UNC5D: variants seen among roughly 807,000 people sequenced by gnomAD.
UNC5D encodes unc-5 netrin receptor D, also known as netrin receptor UNC5D.
UNC5D carries 39 observed loss-of-function variants against 105.4 expected under a neutral mutation model. The ratio of observed to expected loss-of-function variants is 0.37; its 90% confidence interval spans 0.29 to 0.48. UNC5D has a LOEUF of 0.48. Ranked by LOEUF, UNC5D falls within the 20% of genes least tolerant of loss-of-function variation. The pLI, the probability that UNC5D is intolerant of heterozygous loss-of-function variation, is 0.98. For missense variants in UNC5D, 991 were observed against 1,202.4 expected, an observed-to-expected ratio of 0.82 and a Z score of 2.60; for synonymous variants, 452 against 450.4, an observed-to-expected ratio of 1.00 and a Z score of -0.04.
chr8:35,454,006 A>G (rs1209410986), intron 1 of UNC5D, among the ~76,000 whole-genome samples: 5 of 152,216 alleles, frequency 3.3e-5, no homozygotes, highest in Non-Finnish European at 7.3e-5. Context: ...AAATATTAAT[A>G]CAAGACTTGT....
At chr8:35,310,167 AT>A (rs976621484) in intron 1 of UNC5D, among the ~76,000 whole-genome samples, 11 of 152,226 alleles carry the variant, frequency 7.2e-5, no homozygotes, top group African/African-American at 2.6e-4. Context: ...TTATTTTCTA[AT>A]TTTGTTTATG....
intron 4 of UNC5D, among the ~76,000 whole-genome samples, chr8:35,597,532 T>TCTAGG (rs1438856175): frequency 6.6e-6 from 1 of 152,176 alleles, no homozygotes. Flanking sequence ...CATAAAAATG[T>TCTAGG]CTAGGCTCTG....
intron 1 of UNC5D, among the ~76,000 whole-genome samples, chr8:35,522,355 A>G (rs916157321): frequency 1.3e-5 from 2 of 152,152 alleles, no homozygotes; most frequent in African/African-American, 4.8e-5. Flanking sequence ...GTGAAGCCAA[A>G]TCTAAATTCC....
At chr8:35,376,123 G>A (rs2128928630) in intron 1 of UNC5D, among the ~76,000 whole-genome samples, 1 of 152,306 alleles carries the variant, frequency 6.6e-6, no homozygotes, top group South Asian at 2.1e-4. Context: ...GAATTGAAAT[G>A]TGCTGTAGTG....
At chr8:35,667,257 A>G (rs1824485651) in intron 4 of UNC5D, among the ~76,000 whole-genome samples, 1 of 152,186 alleles carries the variant, frequency 6.6e-6, no homozygotes, top group African/African-American at 2.4e-5. Flanking sequence ...TGCTTAACAC[A>G]GGAAAGATTT....
intron 2 of UNC5D, among the ~76,000 whole-genome samples, chr8:35,552,663 G>A (rs1388694926): frequency 2.0e-5 from 3 of 152,192 alleles, no homozygotes; most frequent in Non-Finnish European, 4.4e-5. Context: ...TTGAAGGAAG[G>A]ATTTGGCATT....
chr8:35,583,817 A>G (rs1818607580), intron 3 of UNC5D, among the ~76,000 whole-genome samples: 1 of 152,222 alleles, frequency 6.6e-6, no homozygotes, highest in African/African-American at 2.4e-5. Flanking sequence ...ATGTATTGAC[A>G]CAACCAAATC....
intron 1 of UNC5D, among the ~76,000 whole-genome samples, chr8:35,437,087 C>A (rs1215113184): frequency 6.6e-6 from 1 of 151,900 alleles, no homozygotes; most frequent in Non-Finnish European, 1.5e-5. Flanking sequence ...AAATTTCCTG[C>A]CTCAGCTTCA....
intron 3 of UNC5D, among the ~76,000 whole-genome samples, chr8:35,581,794 T>C (rs887504976): frequency 6.6e-6 from 1 of 152,136 alleles, no homozygotes; most frequent in Non-Finnish European, 1.5e-5. Flanking sequence ...ATCATTGCTG[T>C]AAATTTGTGT....
intron 3 of UNC5D, among the ~76,000 whole-genome samples, chr8:35,588,753 C>T (rs186935114): frequency 1.9e-4 from 29 of 152,210 alleles, no homozygotes; most frequent in African/African-American, 6.3e-4. Context: ...TTAAGGATTA[C>T]CTACCAGCTG....
intron 1 of UNC5D, among the ~76,000 whole-genome samples, chr8:35,245,890 G>T (rs3115002): frequency 6.6e-6 from 1 of 151,810 alleles, no homozygotes; most frequent in Non-Finnish European, 1.5e-5. Flanking sequence ...AATTTAAATG[G>T]CATTAGTAAC....
intron 2 of UNC5D, among the ~76,000 whole-genome samples, chr8:35,552,444 C>G (rs1816232121): frequency 6.6e-6 from 1 of 152,186 alleles, no homozygotes; most frequent in Non-Finnish European, 1.5e-5. Flanking sequence ...CATGGCTCAT[C>G]ATTTTCCATT....
At chr8:35,627,081 A>G (rs780957112) in intron 4 of UNC5D, among the ~76,000 whole-genome samples, 2 of 152,216 alleles carry the variant, frequency 1.3e-5, no homozygotes, top group Admixed American at 6.5e-5. Context: ...AAAGGCAACA[A>G]TTTCATTAAT....
At chr8:35,604,319 A>G (rs1268974147) in intron 4 of UNC5D, among the ~76,000 whole-genome samples, 2 of 152,100 alleles carry the variant, frequency 1.3e-5, no homozygotes, top group Non-Finnish European at 2.9e-5. Context: ...GTTTGGCTGG[A>G]TATGAAATTC....
At chr8:35,697,984 C>T (rs940480947) in intron 7 of UNC5D, among the ~76,000 whole-genome samples, 1 of 152,084 alleles carries the variant, frequency 6.6e-6, no homozygotes, top group Non-Finnish European at 1.5e-5. Flanking sequence ...TCTTCCCTCT[C>T]CAAACCTCCC....
intron 1 of UNC5D, among the ~76,000 whole-genome samples, chr8:35,294,858 C>G (rs1585517539): frequency 6.6e-6 from 1 of 152,224 alleles, no homozygotes; most frequent in Admixed American, 6.5e-5. Context: ...CACTCAGCAT[C>G]ACTAGTGGTG....
At chr8:35,457,504 C>G (rs1041565633) in intron 1 of UNC5D, among the ~76,000 whole-genome samples, 1 of 152,156 alleles carries the variant, frequency 6.6e-6, no homozygotes, top group African/African-American at 2.4e-5. Flanking sequence ...GTACTGATAA[C>G]TTACCAAGTT....
intron 1 of UNC5D, among the ~76,000 whole-genome samples, chr8:35,236,584 C>T (rs917468331): frequency 2.0e-5 from 3 of 152,216 alleles, no homozygotes; most frequent in Admixed American, 2.0e-4. Context: ...GCGCGGGCCC[C>T]ACCGAGCCGC....
At chr8:35,684,545 C>T (rs758145691) in intron 5 of UNC5D, 37 bp from the exon 6 acceptor site, 1 of 1,599,976 alleles carries the variant, frequency 6.3e-7, no homozygotes, top group Non-Finnish European at 8.5e-7. Flanking sequence ...AAAAACCTCT[C>T]TCCTTTTTTT....
Sources: allele counts gnomAD v4.1 joint callset (sites outside exome capture counted in the v4.1 genomes callset), GRCh38; gene constraint gnomAD v4.1.1; transcripts MANE v1.5; gene names NCBI Gene and HGNC (gene_info 2026-07-23, HGNC 2026-07-21).